The following RPH3A variants were observed in gnomAD, a reference collection of about 807,000 sequenced individuals.
RPH3A encodes rabphilin-3A.
In RPH3A, 48 loss-of-function variants were observed where a neutral mutation model predicts 102.2. The observed-to-expected ratio is 0.47, with a 90% CI of 0.37 to 0.60. The LOEUF is 0.60. Ranked by LOEUF, RPH3A falls within the 20% of genes least tolerant of loss-of-function variation. RPH3A has a pLI of 0.00. For missense variants in RPH3A, 781 were observed against 910.1 expected (o/e 0.86, Z 1.83); for synonymous variants, 310 against 324.3 (o/e 0.96, Z 0.47).
At chr12:112,656,570 C>T (rs557038991) in intron 1 of RPH3A, among the ~76,000 whole-genome samples, 1 of 152,258 alleles carries the variant, frequency 6.6e-6, no homozygotes, top group Admixed American at 6.5e-5. Context: ...TCAATCCCTT[C>T]CCACTCTTCC....
rs2040569871 is a variant in RPH3A, at chr12:112,724,040, T to A, written c.-139-68103T>A. 2.7e-5 allele frequency among the ~76,000 whole-genome samples: 4 copies of A among 150,484 alleles called. No individual in the cohort carries two copies. The South Asian group carries it at 8.4e-4, about 32-fold the overall frequency. ...AATTATGACATACTTAACTTTTTCTTAAATTTTTTTGATTTTTTTTTTTTT... is the reference window on the plus strand; with the variant it reads ...AATTATGACATACTTAACTTTTTCTAAAATTTTTTTGATTTTTTTTTTTTT... On this transcript the variant is annotated intron_variant, in intron 1 of 21. Coordinates refer to the RPH3A transcript ENST00000543106.
upstream of RPH3A, among the ~76,000 whole-genome samples, chr12:112,790,450 G>A (rs531062958): frequency 4.6e-5 from 7 of 152,314 alleles, no homozygotes; most frequent in Non-Finnish European, 7.4e-5. Context: ...AGTGACAAAT[G>A]TAGTAGTTAA....
Position 112,784,649 on chromosome 12 carries a change from C to T in RPH3A, c.-139-7494C>T, listed in dbSNP as rs11066413. Among the ~76,000 whole-genome samples the T allele has an allele frequency of 6.6e-5, 10 of 152,282 alleles. No individual in the cohort carries two copies. The East Asian group carries it at 1.7e-3, about 26-fold the overall frequency. On this transcript the variant is annotated intron_variant, in intron 1 of 21. Coordinates refer to the RPH3A transcript ENST00000543106. ...TGGGCCGTGAGAACTCAGAAATACA[C>T]AAGACTGAGCTGTGTTCTTGGAATG... is the stretch of plus-strand genomic sequence containing the variant.
intron 1 of RPH3A, among the ~76,000 whole-genome samples, chr12:112,670,966 T>C (rs1218939645): frequency 6.6e-6 from 1 of 152,082 alleles, no homozygotes; most frequent in Non-Finnish European, 1.5e-5. Context: ...GGGAGAACAT[T>C]AACTAGGACC....
At position 112,645,242 on chromosome 12, in the gene RPH3A, C is replaced by T. The variant is rs537576145; in HGVS notation, c.-140+69923C>T. Among the ~76,000 whole-genome samples the T allele has an allele frequency of 8.5e-5, 13 of 152,198 alleles. No individual in the cohort carries two copies. In the South Asian group the frequency reaches 2.7e-3, roughly 32 times the overall value. The stretch of plus-strand genomic sequence containing the variant: ...CCACATGCCACCCTGGATTTTTTCC[C>T]CCTACAACAAAGGGTCATGTTGTCC... On this transcript the variant is annotated intron_variant, in intron 1 of 21. Transcript: ENST00000543106.
chr12:112,803,448 C>G (rs1011837137), intron 2 of RPH3A, among the ~76,000 whole-genome samples: 14 of 151,892 alleles, frequency 9.2e-5, no homozygotes, highest in African/African-American at 3.4e-4. Context: ...GGTTACATGA[C>G]TGACCTCCTT....
At chr12:112,836,723 G>A (rs1301402917) in intron 4 of RPH3A, among the ~76,000 whole-genome samples, 2 of 151,984 alleles carry the variant, frequency 1.3e-5, no homozygotes, top group African/African-American at 4.8e-5. Flanking sequence ...TTGATAAAAG[G>A]ATGGAAGATA....
intron 15 of RPH3A, among the ~76,000 whole-genome samples, chr12:112,882,817 G>A (rs1349378683): frequency 6.6e-6 from 1 of 152,150 alleles, no homozygotes; most frequent in Non-Finnish European, 1.5e-5. Context: ...TTTGTCACCA[G>A]GCCACCTCTT....
At position 112,870,003 on chromosome 12, in the gene RPH3A, A is replaced by T. The variant is rs758157549; in HGVS notation, c.760A>T (p.Ser254Cys). 16 of 1,614,098 alleles carry T rather than the reference A, an allele frequency of 9.9e-6. No homozygotes were observed. The Middle Eastern group carries it at 6.6e-4, about 67-fold the overall frequency. ...SSRDSESWDH[S>C]GGAGDSSRSP... Reference sequence around the variant, plus strand: ...CCGAGATTCAGAGAGCTGGGACCACAGTGGGGGTGCTGGAGACTCCAGCCG... The same window carrying T: ...CCGAGATTCAGAGAGCTGGGACCACTGTGGGGGTGCTGGAGACTCCAGCCG... The change falls in exon 10 of 22, where the codon AGT becomes TGT. Residue 254 changes from serine to cysteine, a missense_variant. Around this residue, in one of 2 missense-constraint regions of RPH3A, gnomAD observed 730 missense variants for 810.0 expected, o/e 0.90. Coordinates refer to ENST00000389385, the MANE Select transcript of RPH3A (RefSeq NM_001143854.2).
At chr12:112,842,351 T>C (rs1425339228) in intron 4 of RPH3A, among the ~76,000 whole-genome samples, 1 of 152,244 alleles carries the variant, frequency 6.6e-6, no homozygotes, top group Non-Finnish European at 1.5e-5. Flanking sequence ...AAACACTTTA[T>C]ATACATGGTC....
At chr12:112,700,081 T>C (rs75323957) in intron 1 of RPH3A, among the ~76,000 whole-genome samples, 1 of 151,942 alleles carries the variant, frequency 6.6e-6, no homozygotes, top group African/African-American at 2.4e-5. Context: ...TTTTTTTTTT[T>C]CTTTTGAGAC....
chr12:112,813,942 A>G (rs2041626234), intron 2 of RPH3A, among the ~76,000 whole-genome samples: 2 of 147,298 alleles, frequency 1.4e-5, no homozygotes, highest in Admixed American at 1.3e-4. Flanking sequence ...TTGTGTTTGT[A>G]TGATTGTGTG....
intron 1 of RPH3A, among the ~76,000 whole-genome samples, chr12:112,663,918 C>G (rs2040067399): frequency 6.6e-6 from 1 of 152,126 alleles, no homozygotes; most frequent in African/African-American, 2.4e-5. Context: ...CTGTCCATTC[C>G]TAAAAGCTCA....
chr12:112,668,144 G>T (rs1274650661), intron 1 of RPH3A, among the ~76,000 whole-genome samples: 2 of 152,010 alleles, frequency 1.3e-5, no homozygotes, highest in South Asian at 4.2e-4. Context: ...TCTCTTCATG[G>T]CCAAGCTGTA....
intron 1 of RPH3A, among the ~76,000 whole-genome samples, chr12:112,774,804 T>C (rs2040954373): frequency 6.6e-6 from 1 of 150,732 alleles, no homozygotes. Flanking sequence ...CGGAGAGCAG[T>C]AGGAAAAATA....
chr12:112,727,749 G>A (rs555971718), intron 1 of RPH3A, among the ~76,000 whole-genome samples: 1 of 152,126 alleles, frequency 6.6e-6, no homozygotes, highest in Non-Finnish European at 1.5e-5. Flanking sequence ...TATATAGTTT[G>A]TGTTCCTAGG....
chr12:112,882,087 C>T (rs1003333991), intron 15 of RPH3A, among the ~76,000 whole-genome samples: 16 of 152,182 alleles, frequency 1.1e-4, no homozygotes, highest in Non-Finnish European at 2.2e-4. Context: ...GCTGCCAATG[C>T]CAGAAGAGAA....
rs774353191 is a variant in RPH3A, at chr12:112,866,877, C to T, written c.444+37C>T. The T allele has an allele frequency of 1.9e-6, 3 of 1,539,260 alleles. No homozygotes were observed. In the African/African-American group the frequency reaches 4.1e-5, roughly 21 times the overall value. ...GGTCCCACCTGGTGCCTAGATCACCCTCCTTTCTTGGCCAGCTTAAGAGGT... is the reference window on the plus strand; with the variant it reads ...GGTCCCACCTGGTGCCTAGATCACCTTCCTTTCTTGGCCAGCTTAAGAGGT... On this transcript the variant is annotated intron_variant, in intron 7 of 21. Coordinates refer to ENST00000389385, the MANE Select transcript of RPH3A (RefSeq NM_001143854.2).
chr12:112,849,836 G>A (rs1162355416), intron 5 of RPH3A, among the ~76,000 whole-genome samples: 2 of 152,142 alleles, frequency 1.3e-5, no homozygotes, highest in African/African-American at 4.8e-5. Flanking sequence ...AAATTCCCAG[G>A]GAAAGTACTC....
Sources: allele counts gnomAD v4.1 joint callset (sites outside exome capture counted in the v4.1 genomes callset), GRCh38; gene constraint gnomAD v4.1.1; regional missense constraint gnomAD v4.1.1; transcripts MANE v1.5; gene names NCBI Gene and HGNC (gene_info 2026-07-23, HGNC 2026-07-21).